NCOA6: variants seen among roughly 807,000 people sequenced by gnomAD.
NCOA6 encodes nuclear receptor coactivator 6.
In NCOA6, 49 loss-of-function variants were observed where a neutral mutation model predicts 171.4. The observed-to-expected ratio is 0.29, with a 90% CI of 0.23 to 0.36. The LOEUF (loss-of-function observed/expected upper bound fraction) is 0.36. Ranked by LOEUF, NCOA6 falls within the 10% of genes least tolerant of loss-of-function variation. NCOA6 has a pLI of 1.00. For missense variants in NCOA6, 2,248 were observed against 2,554.5 expected, an observed-to-expected ratio of 0.88 and a Z score of 2.59; for synonymous variants, 910 against 927.5, an observed-to-expected ratio of 0.98 and a Z score of 0.34.
At chr20:34,801,050 T>C (rs995340878) in intron 1 of NCOA6, among the ~76,000 whole-genome samples, 5 of 152,006 alleles carry the variant, frequency 3.3e-5, no homozygotes, top group African/African-American at 1.2e-4. Context: ...CAATAACAAG[T>C]GAAATTTTGG....
intron 14 of NCOA6, among the ~76,000 whole-genome samples, chr20:34,717,896 G>C (rs192812862): frequency 2.6e-4 from 39 of 152,276 alleles, no homozygotes; most frequent in Admixed American, 4.6e-4. Flanking sequence ...GTGATATGAA[G>C]GATCAAGTGG....
intron 5 of NCOA6, among the ~76,000 whole-genome samples, chr20:34,766,343 G>A (rs894970201): frequency 6.6e-6 from 1 of 152,000 alleles, no homozygotes. Context: ...TGGGTACGGT[G>A]GCTCAGTTCA....
intron 1 of NCOA6, among the ~76,000 whole-genome samples, chr20:34,813,508 C>T (rs915605079): frequency 4.0e-5 from 6 of 149,942 alleles, no homozygotes; most frequent in African/African-American, 1.5e-4. Context: ...ACTGGAGAAA[C>T]TTACAGACTT....
chr20:34,735,882 T>C (rs1018590697), intron 12 of NCOA6, among the ~76,000 whole-genome samples: 1 of 152,160 alleles, frequency 6.6e-6, no homozygotes, highest in African/African-American at 2.4e-5. Context: ...TTACTAACTT[T>C]GTCAAGTGTG....
intron 4 of NCOA6, among the ~76,000 whole-genome samples, chr20:34,769,814 C>CAGA (rs983317552): frequency 1.3e-5 from 2 of 151,882 alleles, no homozygotes; most frequent in African/African-American, 4.8e-5. Flanking sequence ...AAACAAGCAA[C>CAGA]AGAATGTTTC....
rs1464590375 is a variant in NCOA6, at chr20:34,736,803, TA to T, written c.5894-46del. 5 of 1,529,552 alleles carry T rather than the reference TA, an allele frequency of 3.3e-6. No homozygotes were observed. The East Asian group carries it at 1.1e-4, about 35-fold the overall frequency. 94.7% of individuals were successfully genotyped at this position (1,529,552 alleles called of 1,614,324 possible). On this transcript the variant is annotated intron_variant, in intron 11 of 14. Transcript: ENST00000359003. ...ATTACAGACCTTTTACTTTCTTTTCTAAACAAAAAGAAAGCATTAACCTAAT... is the reference window on the plus strand; with the variant it reads ...ATTACAGACCTTTTACTTTCTTTTCTAACAAAAAGAAAGCATTAACCTAAT...
chr20:34,812,262 A>G (rs562125852), intron 1 of NCOA6, among the ~76,000 whole-genome samples: 77 of 152,004 alleles, frequency 5.1e-4, no homozygotes, highest in Middle Eastern at 3.4e-3. Context: ...AAAAAAAAAA[A>G]AAACAACAAC....
rs763590493 is a variant in NCOA6, at chr20:34,749,633, A to T, written c.2562T>A (p.Asn854Lys). Residue 854 changes from asparagine (N) to lysine (K), a missense_variant, in exon 9 of 15, where the codon AAT (asparagine) becomes AAA (lysine). By Grantham distance (94) the Asn-to-Lys change is moderately conservative (BLOSUM62 0). Coordinates refer to ENST00000359003, the MANE Select transcript of NCOA6 (RefSeq NM_014071.5). ...CATTGGGAGCTCCACTGAAAGGTGCATTGAAAGACATCCCATGGCCTGAGA... is the reference window on the plus strand; with the variant it reads ...CATTGGGAGCTCCACTGAAAGGTGCTTTGAAAGACATCCCATGGCCTGAGA... Reference protein sequence around the residue: ...NHFSGHGMSFNAPFSGAPNGN... With the variant: ...NHFSGHGMSFKAPFSGAPNGN... 1 of 1,614,236 alleles carries T rather than the reference A, an allele frequency of 6.2e-7. No individual in the cohort carries two copies. Among genetic ancestry groups the T allele is most frequent in the Non-Finnish European group, 8.5e-7 (1 of 1,180,042 alleles).
Position 34,741,378 on chromosome 20 carries a change from T to C in NCOA6, c.4878A>G (p.Ser1626=). The change falls in exon 11 of 15, where the codon TCA becomes TCG. Residue 1626 remains serine (S), a synonymous_variant. Coordinates refer to ENST00000359003, the MANE Select transcript of NCOA6 (RefSeq NM_014071.5). The part of the protein sequence containing the change: ...LPTHLQSALM[S]TVVTMPNAGS... ...CCGCATTGGGCATTGTGACAACTGTTGACATCAATGCAGACTGCAAGTGAG... is the reference window on the plus strand; with the variant it reads ...CCGCATTGGGCATTGTGACAACTGTCGACATCAATGCAGACTGCAAGTGAG... 6.2e-7 allele frequency: 1 copy of C among 1,614,256 alleles called. No homozygotes were observed.
At position 34,743,057 on chromosome 20, in the gene NCOA6, T is replaced by C; in HGVS notation, c.3199A>G (p.Arg1067Gly). 6.2e-7 allele frequency: 1 copy of C among 1,613,866 alleles called. No homozygotes were observed. Among genetic ancestry groups the C allele is most frequent in the Non-Finnish European group, 8.5e-7 (1 of 1,179,776 alleles). The change falls in exon 11 of 15, where the codon AGA becomes GGA. Residue 1067 changes from arginine (R) to glycine (G), a missense_variant. Coordinates refer to ENST00000359003, the MANE Select transcript of NCOA6 (RefSeq NM_014071.5). ...CTGCCACTCTGTTGCATGGGCATTCTCTGGGAGTCGGGGTTCAGGGGGCCC... is the reference window on the plus strand; with the variant it reads ...CTGCCACTCTGTTGCATGGGCATTCCCTGGGAGTCGGGGTTCAGGGGGCCC... ...PRGPLNPDSQ[R>G]MPMQQSGSVP...
rs1287117949 is a variant in NCOA6 at position 34,750,216 on chromosome 20, T to C, written c.1979A>G (p.Gln660Arg). The change falls in exon 9 of 15, where the codon CAG (glutamine) becomes CGG (arginine). Residue 660 changes from glutamine (Q) to arginine (R), a missense_variant. Transcript: ENST00000359003. ...TTGGCTCGGGGGGTTCACCATCATC[T>C]GGCCCTGTGGCATAAGCTGGGCCCT... ...LSRAQLMPQGQMMVNPPSQNL... is the reference protein window; with the variant it reads ...LSRAQLMPQGRMMVNPPSQNL... 6.2e-7 allele frequency: 1 copy of C among 1,610,896 alleles called. No homozygotes were observed. The highest frequency in any genetic ancestry group is 1.7e-5 in the Admixed American group (1 of 59,752).
intron 1 of NCOA6, among the ~76,000 whole-genome samples, chr20:34,795,635 A>T (rs1318247300): frequency 6.6e-6 from 1 of 152,230 alleles, no homozygotes; most frequent in African/African-American, 2.4e-5. Flanking sequence ...GTTCTAGATT[A>T]AAAGAGACTG....
chr20:34,795,475 C>T (rs187879463), intron 1 of NCOA6, among the ~76,000 whole-genome samples: 87 of 152,270 alleles, frequency 5.7e-4, no homozygotes, highest in African/African-American at 1.8e-3. Flanking sequence ...CGTAATTTCT[C>T]CTTCACAGGA....
rs769736867 is a variant in NCOA6, at chr20:34,727,392, C to A, written c.6015G>T (p.Glu2005Asp). 3 of 1,613,772 alleles carry A rather than the reference C, an allele frequency of 1.9e-6. No homozygotes were observed. The highest frequency in any genetic ancestry group is 2.5e-6 in the Non-Finnish European group (3 of 1,180,034). ...IVSGQSSEPK[E>D]IVEKSKIPGR... is the part of the protein sequence containing the mutation. ...CTGGGATTTTGGACTTTTCAACTAT[C>A]TCTTTGGGCTCACTGCTGACAGAGG... The change falls in exon 14 of 15, where the codon GAG becomes GAT. Residue 2005 changes from glutamate (E) to aspartate (D), a missense_variant. By Grantham distance (45) the Glu-to-Asp change is conservative. This residue lies in a region of NCOA6 where 884 missense variants were observed against 941.9 expected (regional missense o/e 0.94). Transcript: ENST00000359003.
intron 14 of NCOA6, among the ~76,000 whole-genome samples, chr20:34,724,811 T>C (rs1989767103): frequency 6.6e-6 from 1 of 151,466 alleles, no homozygotes; most frequent in South Asian, 2.1e-4. Flanking sequence ...TTTTTTGAGA[T>C]GGAGTCTCAC....
Position 34,727,262 on chromosome 20 carries a change from T to C in NCOA6, c.6145A>G (p.Lys2049Glu), listed in dbSNP as rs1990071235. The change falls in exon 14 of 15, where the codon AAA becomes GAA. Residue 2049 changes from lysine (K) to glutamate (E), a missense_variant. This residue lies in a region of NCOA6 where 884 missense variants were observed against 941.9 expected (regional missense o/e 0.94). Transcript: ENST00000359003. ...GCACCCACATCCCACTGCTAACCTTTAGTAGAGCTGGAGGCTGAAGCAGGT... is the reference window on the plus strand; with the variant it reads ...GCACCCACATCCCACTGCTAACCTTCAGTAGAGCTGGAGGCTGAAGCAGGT... Reference protein sequence around the residue: ...SRPASASSSTKDITSAVQSKR... With the variant: ...SRPASASSSTEDITSAVQSKR... 3 of 1,613,964 alleles carry C rather than the reference T, an allele frequency of 1.9e-6. No individual in the cohort carries two copies. Among genetic ancestry groups the C allele is most frequent in the African/African-American group, 2.7e-5 (2 of 74,932 alleles).
chr20:34,728,529 C>T (rs141033520), intron 13 of NCOA6, among the ~76,000 whole-genome samples: 1 of 152,248 alleles, frequency 6.6e-6, no homozygotes, highest in African/African-American at 2.4e-5. Flanking sequence ...AGGGATGCCA[C>T]TAAACGTAAG....
In NCOA6 at chr20:34,750,331, T is replaced by A. The variant is rs199881886; in HGVS notation, c.1864A>T (p.Met622Leu). ...QPQQGPPSQL[M>L]GMHQQIVPSQ... ...GGCACGATTTGCTGGTGCATGCCCA[T>A]CAGCTGAGATGGTGGGCCCTGCTGG... Residue 622 changes from methionine (M) to leucine (L), a missense_variant, in exon 9 of 15, where the codon ATG (methionine) becomes TTG (leucine). Coordinates refer to ENST00000359003, the MANE Select transcript of NCOA6 (RefSeq NM_014071.5). 8 of 1,613,682 alleles carry A rather than the reference T, an allele frequency of 5.0e-6. No individual in the cohort carries two copies. Among genetic ancestry groups the A allele is most frequent in the Non-Finnish European group, 5.9e-6 (7 of 1,179,884 alleles).
In NCOA6 at chr20:34,757,115, A is replaced by T; in HGVS notation, c.1528+105T>A. The T allele has an allele frequency of 2.4e-6, 3 of 1,237,572 alleles. No individual in the cohort carries two copies. In the South Asian group the frequency reaches 5.3e-5, roughly 22 times the overall value. The allele number at this position is 1,237,572 out of a possible 1,614,324, so 76.7% of individuals were successfully genotyped here. On this transcript the variant is annotated intron_variant, in intron 7 of 14. Coordinates refer to ENST00000359003, the MANE Select transcript of NCOA6 (RefSeq NM_014071.5). Reference sequence around the variant, plus strand: ...CACCACCATATCCACAAAACCAAATAATTATATCCTTACTCCACTCCCTCC... The same window carrying T: ...CACCACCATATCCACAAAACCAAATTATTATATCCTTACTCCACTCCCTCC...
Sources: gnomAD v4.1 joint callset for allele counts (sites outside exome capture counted in the v4.1 genomes callset) on GRCh38, gnomAD v4.1.1 for gene constraint, gnomAD v4.1.1 regional missense constraint, MANE v1.5 for transcripts, NCBI Gene and HGNC (gene_info 2026-07-23, HGNC 2026-07-21) for gene names.